DLC1: variants seen among roughly 807,000 people sequenced by gnomAD.
DLC1 encodes DLC1 Rho GTPase activating protein, also known as rho GTPase-activating protein 7.
Under a neutral mutation model 140.3 loss-of-function variants are expected in DLC1, and 54 were observed. That is an observed-to-expected ratio of 0.38 (90% CI 0.31 to 0.48). The LOEUF (loss-of-function observed/expected upper bound fraction) is 0.48, where lower values mean the gene tolerates loss of function less well. Among genes scored for constraint, DLC1 ranks in the 20% least tolerant of loss-of-function variants. The pLI is 0.96. For synonymous variants in DLC1, 986 were observed against 728.1 expected (o/e 1.35, Z -5.70); for missense variants, 2,536 against 1,907.0 (o/e 1.33, Z -6.14).
intron 4 of DLC1, among the ~76,000 whole-genome samples, chr8:13,323,127 T>C (rs1375216671): frequency 1.3e-5 from 2 of 152,198 alleles, no homozygotes; most frequent in African/African-American, 4.8e-5. Flanking sequence ...TCAACTAAGC[T>C]CTGTTCCTGA....
intron 1 of DLC1, among the ~76,000 whole-genome samples, chr8:13,570,255 A>G (rs963203419): frequency 5.4e-5 from 8 of 148,910 alleles, no homozygotes; most frequent in Admixed American, 2.7e-4. Context: ...TTGTGTCACT[A>G]TGGTTTCTAT....
At chr8:13,423,861 C>T (rs1032885876) in intron 2 of DLC1, among the ~76,000 whole-genome samples, 11 of 152,082 alleles carry the variant, frequency 7.2e-5, no homozygotes, top group African/African-American at 1.7e-4. Flanking sequence ...TTATTCTAAA[C>T]GTCCTTGTGG....
Position 13,545,189 on chromosome 8 carries a change from A to C in DLC1, c.-125-44993T>G, listed in dbSNP as rs773155134. Among the ~76,000 whole-genome samples, 17 of 152,078 alleles carry C rather than the reference A, an allele frequency of 1.1e-4. 1 individual carries two copies. The highest frequency in any genetic ancestry group is 4.1e-4 in the African/African-American group (17 of 41,448). Reference sequence around the variant, plus strand: ...GAGTTCACAAAAGAACTAACATTGCATTTAAAATTTTCATTTTTAATATGA... The same window carrying C: ...GAGTTCACAAAAGAACTAACATTGCCTTTAAAATTTTCATTTTTAATATGA... On this transcript the variant is annotated intron_variant, in intron 1 of 1. Transcript: ENST00000631382.
chr8:13,153,636 A>AT (rs1350031732), intron 5 of DLC1, among the ~76,000 whole-genome samples: 3 of 152,162 alleles, frequency 2.0e-5, no homozygotes, highest in Non-Finnish European at 2.9e-5. Flanking sequence ...TGCGTTTACA[A>AT]TCCCTGAGCT....
At chr8:13,405,925 CTTT>C (rs1837516196) in intron 2 of DLC1, among the ~76,000 whole-genome samples, 1 of 68,672 alleles carries the variant, frequency 1.5e-5, no homozygotes, top group South Asian at 5.4e-4. Flanking sequence ...TCTTTTCTTT[CTTT>C]CTTTCTTTCT....
chr8:13,440,403 T>C (rs1798454515), intron 2 of DLC1, among the ~76,000 whole-genome samples: 1 of 152,216 alleles, frequency 6.6e-6, no homozygotes, highest in Non-Finnish European at 1.5e-5. Flanking sequence ...GACATAGAGT[T>C]TGCGTATAAA....
intron 4 of DLC1, among the ~76,000 whole-genome samples, chr8:13,311,516 C>A (rs1358373895): frequency 1.3e-5 from 2 of 152,216 alleles, no homozygotes; most frequent in East Asian, 3.8e-4. Flanking sequence ...ACACAATTAT[C>A]TGAGAAACGT....
rs762399302 is a variant in DLC1, at chr8:13,092,825, T to A, written c.3527A>T (p.Tyr1176Phe). 1.2e-6 allele frequency: 2 copies of A among 1,611,328 alleles called. No homozygotes were observed. Among genetic ancestry groups the A allele is most frequent in the South Asian group, 2.2e-5 (2 of 90,900 alleles). Residue 1176 changes from tyrosine to phenylalanine, a missense_variant and splice_region_variant, in exon 13 of 18, where the codon TAT becomes TTT. By Grantham distance (22) the Tyr-to-Phe change is conservative. Transcript: ENST00000276297. ...LSETFLQIYQ[Y>F]VPKDQRLQAI... Reference sequence around the variant, plus strand: ...CTGCAGGCGCTGGTCCTTGGGCACATCTGCACGACACCAGCACTTTCTCCA... The same window carrying A: ...CTGCAGGCGCTGGTCCTTGGGCACAACTGCACGACACCAGCACTTTCTCCA...
intron 15 of DLC1, among the ~76,000 whole-genome samples, chr8:13,089,569 G>C (rs1817872305): frequency 6.6e-6 from 1 of 152,116 alleles, no homozygotes. Context: ...AGGTTGCAGT[G>C]AGCCGAGATC....
At chr8:13,099,253 A>C in intron 9 of DLC1, 94 bp downstream of exon 9, 1 of 1,509,470 alleles carries the variant, frequency 6.6e-7, no homozygotes, top group South Asian at 1.4e-5. Flanking sequence ...TAAGAATGCC[A>C]GACTTAATCC....
chr8:13,382,831 C>T (rs1836337558), intron 4 of DLC1, among the ~76,000 whole-genome samples: 2 of 152,072 alleles, frequency 1.3e-5, no homozygotes, highest in Non-Finnish European at 2.9e-5. Flanking sequence ...AAAAGTAGGG[C>T]TTAAAAGGAT....
intron 2 of DLC1, among the ~76,000 whole-genome samples, chr8:13,427,836 T>C (rs545749909): frequency 2.6e-5 from 4 of 152,364 alleles, no homozygotes; most frequent in African/African-American, 9.6e-5. Context: ...CTCATTTCTT[T>C]ATTAGACTGA....
At chr8:13,129,356 T>C (rs1037896195) in intron 5 of DLC1, among the ~76,000 whole-genome samples, 1 of 152,144 alleles carries the variant, frequency 6.6e-6, no homozygotes, top group African/African-American at 2.4e-5. Flanking sequence ...GAAAAGAGGA[T>C]CTTGGAATTG....
intron 5 of DLC1, among the ~76,000 whole-genome samples, chr8:13,169,583 C>T (rs7841271): frequency 0.56 from 85,551 of 151,982 alleles, 24,513 homozygotes; most frequent in East Asian, 0.85. Flanking sequence ...GCCTTAGAAC[C>T]TGCTCTGTGG....
intron 2 of DLC1, among the ~76,000 whole-genome samples, chr8:13,469,168 T>G (rs1355868450): frequency 1.3e-5 from 2 of 152,226 alleles, no homozygotes; most frequent in East Asian, 3.9e-4. Flanking sequence ...AATAATTTTC[T>G]TTCTTCATTT....
intron 5 of DLC1, chr8:13,133,395 C>A: frequency 1.2e-6 from 1 of 815,360 alleles, no homozygotes. Flanking sequence ...GGGTCGCAGG[C>A]CTTAGCGACG....
intron 1 of DLC1, among the ~76,000 whole-genome samples, chr8:13,528,456 T>C (rs980002065): frequency 2.1e-4 from 32 of 152,114 alleles, no homozygotes; most frequent in Non-Finnish European, 4.3e-4. Flanking sequence ...GTTAGAAAAA[T>C]TGTTTGAAAG....
chr8:13,571,802 G>T (rs1380883567), intron 1 of DLC1, among the ~76,000 whole-genome samples: 1 of 152,142 alleles, frequency 6.6e-6, no homozygotes, highest in Non-Finnish European at 1.5e-5. Flanking sequence ...TACAGCAGTT[G>T]CAACGTTTTA....
At chr8:13,411,382 G>A (rs289613) in intron 2 of DLC1, among the ~76,000 whole-genome samples, 124,302 of 152,110 alleles carry the variant, frequency 0.82, 51,209 homozygotes, top group African/African-American at 0.93. Flanking sequence ...GGGTAAGAAG[G>A]CTACCAAGAA....
Sources: gnomAD v4.1 joint callset for allele counts (sites outside exome capture counted in the v4.1 genomes callset) on GRCh38, gnomAD v4.1.1 for gene constraint, MANE v1.5 for transcripts, NCBI Gene and HGNC (gene_info 2026-07-23, HGNC 2026-07-21) for gene names.